The following CALD1 variants were observed in gnomAD, a reference collection of about 807,000 sequenced individuals.
CALD1 encodes caldesmon.
Under a neutral mutation model 99.9 loss-of-function variants are expected in CALD1, and 33 were observed. The ratio of observed to expected loss-of-function variants is 0.33; its 90% CI spans 0.25 to 0.44. The LOEUF (loss-of-function observed/expected upper bound fraction) is 0.44, where lower values mean the gene tolerates loss of function less well. Among genes scored for constraint, CALD1 ranks in the 20% least tolerant of loss-of-function variants. CALD1 has a pLI of 1.00. For missense variants in CALD1, 861 were observed against 962.1 expected, an observed-to-expected ratio of 0.89 and a Z score of 1.39; for synonymous variants, 310 against 325.0, an observed-to-expected ratio of 0.95 and a Z score of 0.50.
intron 3 of CALD1, among the ~76,000 whole-genome samples, chr7:134,920,969 C>A (rs1389111951): frequency 1.3e-5 from 2 of 152,312 alleles, no homozygotes; most frequent in East Asian, 3.9e-4. Flanking sequence ...TCTCACTTAA[C>A]CTGTGTGTCT....
At chr7:134,948,421 C>A (rs140244819) in intron 8 of CALD1, among the ~76,000 whole-genome samples, 1 of 152,046 alleles carries the variant, frequency 6.6e-6, no homozygotes, top group African/African-American at 2.4e-5. Context: ...CAAGGAGGAA[C>A]ATTTTGGCTC....
chr7:134,887,964 G>C (rs914982383), intron 3 of CALD1, among the ~76,000 whole-genome samples: 25 of 152,200 alleles, frequency 1.6e-4, no homozygotes, highest in African/African-American at 5.8e-4. Flanking sequence ...CTAGGGAATT[G>C]TTTCAAGGTA....
At chr7:134,859,533 A>G (rs1800472248) in intron 2 of CALD1, among the ~76,000 whole-genome samples, 1 of 152,146 alleles carries the variant, frequency 6.6e-6, no homozygotes, top group Non-Finnish European at 1.5e-5. Flanking sequence ...CCAAATTTTC[A>G]CTTCTCTTCA....
intron 1 of CALD1, among the ~76,000 whole-genome samples, chr7:134,805,719 C>A (rs1380325720): frequency 1.3e-5 from 2 of 152,080 alleles, no homozygotes; most frequent in African/African-American, 4.8e-5. Flanking sequence ...ATCTTTCTTC[C>A]CATGGCAATC....
chr7:134,726,135 C>G, the CALD1 span, among the ~76,000 whole-genome samples: 1 of 151,752 alleles, frequency 6.6e-6, no homozygotes, highest in African/African-American at 2.4e-5. Flanking sequence ...TATTCAGCAC[C>G]TAACAAGATA....
intron 2 of CALD1, among the ~76,000 whole-genome samples, chr7:134,865,028 G>A (rs1444659394): frequency 6.6e-6 from 1 of 152,020 alleles, no homozygotes; most frequent in African/African-American, 2.4e-5. Flanking sequence ...CACGACTGAT[G>A]GAATCACCCT....
chr7:134,838,309 T>C (rs1296752404), intron 1 of CALD1, among the ~76,000 whole-genome samples: 1 of 152,164 alleles, frequency 6.6e-6, no homozygotes, highest in Non-Finnish European at 1.5e-5. Context: ...ATACTATAGA[T>C]GAATTTGTTC....
At chr7:134,957,985 C>T (rs951457724) in intron 9 of CALD1, 84 bp from the exon 10 acceptor site, 18 of 997,562 alleles carry the variant, frequency 1.8e-5, no homozygotes, top group East Asian at 4.8e-5. Flanking sequence ...TTAACAGGTT[C>T]AGGGATGATA....
chr7:134,921,705 G>A (rs985139702), intron 3 of CALD1, among the ~76,000 whole-genome samples: 11 of 152,108 alleles, frequency 7.2e-5, no homozygotes, highest in Non-Finnish European at 1.3e-4. Context: ...CCAGCTACTC[G>A]GGAGGCTGAG....
chr7:134,773,997 C>T (rs1000198510), intron 1 of CALD1, among the ~76,000 whole-genome samples: 4 of 151,922 alleles, frequency 2.6e-5, no homozygotes, highest in Non-Finnish European at 5.9e-5. Flanking sequence ...GGGGAAACCC[C>T]GTCTCTACTA....
chr7:134,804,825 C>T (rs773299428), intron 1 of CALD1, among the ~76,000 whole-genome samples: 18 of 152,204 alleles, frequency 1.2e-4, no homozygotes, highest in Admixed American at 2.6e-4. Flanking sequence ...TCTCCTTGCC[C>T]GCTTCCTAGA....
intron 1 of CALD1, among the ~76,000 whole-genome samples, chr7:134,764,830 A>C (rs1796811910): frequency 6.6e-6 from 1 of 152,158 alleles, no homozygotes; most frequent in Non-Finnish European, 1.5e-5. Context: ...CAGGAGGTGC[A>C]CTACGTGATG....
At chr7:134,891,585 ATC>A in intron 3 of CALD1, 2 of 1,595,164 alleles carry the variant, frequency 1.3e-6, no homozygotes, top group Non-Finnish European at 8.5e-7. Context: ...AGGTCTCCGT[ATC>A]TCTCTGCCCC....
At chr7:134,866,158 G>A (rs192868373) in intron 2 of CALD1, among the ~76,000 whole-genome samples, 1 of 152,234 alleles carries the variant, frequency 6.6e-6, no homozygotes, top group East Asian at 1.9e-4. Flanking sequence ...CAGGGAGAAG[G>A]GCCCTGGGAT....
At chr7:134,866,592 A>C (rs1241564672) in intron 2 of CALD1, among the ~76,000 whole-genome samples, 1 of 152,132 alleles carries the variant, frequency 6.6e-6, no homozygotes, top group African/African-American at 2.4e-5. Flanking sequence ...TCAAAATCTA[A>C]GTTTTGTTTT....
chr7:134,959,916 T>A (rs932594189), intron 11 of CALD1, 58 bp from the exon 12 acceptor site: 4 of 1,569,100 alleles, frequency 2.5e-6, no homozygotes, highest in Non-Finnish European at 3.5e-6. Context: ...AAACTCACTA[T>A]AATTTTATGA....
At chr7:134,866,515 G>C (rs1267131396) in intron 2 of CALD1, among the ~76,000 whole-genome samples, 1 of 152,034 alleles carries the variant, frequency 6.6e-6, no homozygotes, top group African/African-American at 2.4e-5. Flanking sequence ...GGTTTTTTTA[G>C]AGGGGAAAAA....
intron 1 of CALD1, among the ~76,000 whole-genome samples, chr7:134,766,478 G>A (rs1485289905): frequency 2.6e-5 from 4 of 152,112 alleles, no homozygotes; most frequent in South Asian, 2.1e-4. Context: ...CCAGTCTCAG[G>A]TGTTTTTAGC....
chr7:134,777,248 T>A (rs1382648749), upstream of CALD1, among the ~76,000 whole-genome samples: 1 of 152,190 alleles, frequency 6.6e-6, no homozygotes, highest in Non-Finnish European at 1.5e-5. Context: ...ACACACTACA[T>A]GAAATTTGTT....
Sources: gnomAD v4.1 joint callset for allele counts (sites outside exome capture counted in the v4.1 genomes callset) on GRCh38, gnomAD v4.1.1 for gene constraint, MANE v1.5 for transcripts, NCBI Gene and HGNC (gene_info 2026-07-23, HGNC 2026-07-21) for gene names.